OPCML: variants seen among roughly 807,000 people sequenced by gnomAD.
OPCML encodes the protein opioid-binding protein/cell adhesion molecule.
Under a neutral mutation model 37.8 loss-of-function variants are expected in OPCML, and 13 were observed. The ratio of observed to expected loss-of-function variants is 0.34; its 90% CI spans 0.22 to 0.55. The LOEUF (loss-of-function observed/expected upper bound fraction) is 0.55. OPCML is among the 20% of genes least tolerant of loss of function. The probability of loss-of-function intolerance (pLI) is 0.91; values close to 1 mark genes in which losing one functional copy is unlikely to be tolerated. For missense variants in OPCML, 341 were observed against 435.6 expected (o/e 0.78, Z 1.93); for synonymous variants, 176 against 168.8 (o/e 1.04, Z -0.33).
At chr11:132,555,561 A>G (rs1011229376) in intron 3 of OPCML, among the ~76,000 whole-genome samples, 1 of 152,198 alleles carries the variant, frequency 6.6e-6, no homozygotes, top group Non-Finnish European at 1.5e-5. Flanking sequence ...GTCATAGCCA[A>G]ACCATATCAA....
intron 1 of OPCML, among the ~76,000 whole-genome samples, chr11:133,218,483 C>A (rs1939680135): frequency 6.6e-6 from 1 of 152,078 alleles, no homozygotes; most frequent in African/African-American, 2.4e-5. Flanking sequence ...TTGGATTTTC[C>A]AAAAAGAAGC....
intron 3 of OPCML, among the ~76,000 whole-genome samples, chr11:132,621,177 G>T (rs373845146): frequency 1.3e-5 from 2 of 152,206 alleles, no homozygotes; most frequent in East Asian, 1.9e-4. Flanking sequence ...TGCTGAGGAT[G>T]CATCTTAAGT....
At chr11:132,798,985 G>A (rs1485936177) in intron 2 of OPCML, among the ~76,000 whole-genome samples, 1 of 152,118 alleles carries the variant, frequency 6.6e-6, no homozygotes, top group African/African-American at 2.4e-5. Flanking sequence ...TCCAGGCTCT[G>A]TTGTTCCATT....
chr11:133,073,788 T>G (rs947186843), intron 1 of OPCML, among the ~76,000 whole-genome samples: 2 of 152,212 alleles, frequency 1.3e-5, no homozygotes, highest in African/African-American at 4.8e-5. Context: ...TAGTTACTAT[T>G]TATTGACCCA....
rs535941637 is a variant in OPCML, at chr11:132,943,617, C to T, written c.62-607G>A. 139 of 154,452 alleles carry T rather than the reference C, an allele frequency of 9.0e-4. No individual in the cohort carries two copies. The highest frequency in any genetic ancestry group is 3.0e-3 in the African/African-American group (124 of 41,610). 9.6% of individuals were successfully genotyped at this position (154,452 alleles called of 1,614,324 possible). A position where few individuals can be genotyped will look rare whatever the true frequency, so the allele number is the denominator to read the frequency against. ...ACACATGGACAGATGTACGTGTCCC[C>T]CAGCCCCAGGTCTCGCATCTGGAAC... On this transcript the variant is annotated intron_variant, in intron 1 of 7. Coordinates refer to ENST00000524381, the MANE Select transcript of OPCML (RefSeq NM_001012393.5). This position sits in a 1 kb window ranked among gnomAD's most constrained non-coding sequence, Gnocchi z 4.3.
At chr11:132,520,531 C>A (rs994046127) in intron 4 of OPCML, among the ~76,000 whole-genome samples, 3 of 152,058 alleles carry the variant, frequency 2.0e-5, no homozygotes, top group Admixed American at 2.0e-4. Context: ...ACTAGAGACT[C>A]ATTTTCCTTG....
At chr11:132,649,705 G>C (rs1182896683) in intron 3 of OPCML, among the ~76,000 whole-genome samples, 2 of 151,896 alleles carry the variant, frequency 1.3e-5, no homozygotes, top group Non-Finnish European at 2.9e-5. Flanking sequence ...CTCAAACATT[G>C]AACATGTATA....
intron 3 of OPCML, among the ~76,000 whole-genome samples, chr11:132,565,786 A>T (rs571829503): frequency 6.6e-6 from 1 of 152,204 alleles, no homozygotes; most frequent in Non-Finnish European, 1.5e-5. Context: ...TAATCCCAGC[A>T]TTTTGGGAGG....
At chr11:133,152,205 C>A (rs1189720467) in intron 1 of OPCML, among the ~76,000 whole-genome samples, 1 of 152,102 alleles carries the variant, frequency 6.6e-6, no homozygotes, top group Admixed American at 6.5e-5. Flanking sequence ...GTCAGATACC[C>A]CTTCCAATCT....
At chr11:133,341,725 C>T (rs1371750237) in intron 1 of OPCML, among the ~76,000 whole-genome samples, 5 of 152,096 alleles carry the variant, frequency 3.3e-5, no homozygotes, top group Non-Finnish European at 2.9e-5. Context: ...TCAAGACCAC[C>T]CTGGCCAACA....
chr11:133,249,279 A>G (rs139782867), intron 1 of OPCML, among the ~76,000 whole-genome samples: 3 of 152,158 alleles, frequency 2.0e-5, no homozygotes, highest in African/African-American at 7.2e-5. Context: ...TAGGCATCCC[A>G]TGGTGAGAGA....
intron 3 of OPCML, among the ~76,000 whole-genome samples, chr11:132,569,853 T>C (rs1213080731): frequency 6.6e-6 from 1 of 151,642 alleles, no homozygotes; most frequent in Non-Finnish European, 1.5e-5. Context: ...AGCTTTAATA[T>C]CAATTAAGAG....
chr11:133,283,198 A>G (rs1424894595), intron 1 of OPCML, among the ~76,000 whole-genome samples: 1 of 152,094 alleles, frequency 6.6e-6, no homozygotes, highest in Non-Finnish European at 1.5e-5. Context: ...TCCAAATCTC[A>G]TGTTGAAATG....
chr11:133,151,534 A>T (rs1949987087), intron 1 of OPCML, among the ~76,000 whole-genome samples: 1 of 152,080 alleles, frequency 6.6e-6, no homozygotes, highest in South Asian at 2.1e-4. Flanking sequence ...TTTATAAAAG[A>T]GCTTTGGTAT....
chr11:133,149,693 C>T, intron 1 of OPCML, among the ~76,000 whole-genome samples: 1 of 152,226 alleles, frequency 6.6e-6, no homozygotes, highest in East Asian at 1.9e-4. Flanking sequence ...GAGGATGGTG[C>T]TGCTGGCTCA....
intron 1 of OPCML, among the ~76,000 whole-genome samples, chr11:133,044,154 G>A (rs1947960361): frequency 6.6e-6 from 1 of 152,202 alleles, no homozygotes. Flanking sequence ...TAAGCCATGT[G>A]AGAAGGGTGT....
intron 1 of OPCML, among the ~76,000 whole-genome samples, chr11:133,265,044 G>C (rs1941616526): frequency 6.6e-6 from 1 of 152,164 alleles, no homozygotes; most frequent in Admixed American, 6.5e-5. Context: ...GCTGCGCCGT[G>C]GGAATGGAGT....
intron 1 of OPCML, among the ~76,000 whole-genome samples, chr11:133,060,789 C>G (rs1026053098): frequency 6.6e-6 from 1 of 152,240 alleles, no homozygotes; most frequent in Non-Finnish European, 1.5e-5. Flanking sequence ...CCTGGCTAAA[C>G]ACTGCTGACT....
chr11:132,798,359 T>C (rs1938455187), intron 2 of OPCML, among the ~76,000 whole-genome samples: 1 of 152,194 alleles, frequency 6.6e-6, no homozygotes, highest in African/African-American at 2.4e-5. Flanking sequence ...GCATGAGCCA[T>C]GGCACCCAGC....
Sources: allele counts gnomAD v4.1 joint callset (sites outside exome capture counted in the v4.1 genomes callset), GRCh38; gene constraint gnomAD v4.1.1; non-coding constraint Gnocchi (gnomAD v3.1); transcripts MANE v1.5; gene names NCBI Gene and HGNC (gene_info 2026-07-23, HGNC 2026-07-21).